The following TMEM132B variants were observed in gnomAD, a reference collection of about 807,000 sequenced individuals.
TMEM132B encodes the protein transmembrane protein 132B.
A neutral mutation model predicts 90.8 loss-of-function variants in TMEM132B; 18 were observed. The ratio of observed to expected loss-of-function variants is 0.20; its 90% CI spans 0.14 to 0.29. The LOEUF (loss-of-function observed/expected upper bound fraction) is 0.29, where lower values mean the gene tolerates loss of function less well. Ranked by LOEUF, TMEM132B falls within the 10% of genes least tolerant of loss-of-function variation. The probability of loss-of-function intolerance (pLI) is 1.00; values close to 1 mark genes in which losing one functional copy is unlikely to be tolerated. For synonymous variants in TMEM132B, 504 were observed against 523.3 expected (o/e 0.96, Z 0.50); for missense variants, 1,096 against 1,326.8 (o/e 0.83, Z 2.70).
rs200372421 is a variant in TMEM132B at position 125,644,228 on chromosome 12, C to T, written c.1590C>T (p.Asp530=). The T allele has an allele frequency of 6.2e-6, 10 of 1,614,074 alleles. No individual in the cohort carries two copies. The highest frequency in any genetic ancestry group is 8.5e-6 in the Non-Finnish European group (10 of 1,180,036). ...TCCCCCTGCAGATTGAGATCTCAGA[C>T]ACCGAGCTGAGCCAGATCAAGGGCT... The part of the protein sequence containing the change: ...PRLPLQIEIS[D]TELSQIKGWR... The change falls in exon 6 of 9, where the codon GAC becomes GAT. Residue 530 remains aspartate, a synonymous_variant. Transcript: ENST00000682704.
intron 3 of TMEM132B, among the ~76,000 whole-genome samples, chr12:125,446,975 TTATCTA>T (rs1339957400): frequency 6.6e-6 from 1 of 152,262 alleles, no homozygotes; most frequent in Non-Finnish European, 1.5e-5. Flanking sequence ...GTGACCCTCT[TTATCTA>T]TATCTGTGCT....
In TMEM132B at chr12:125,322,137, G is replaced by A. The variant is rs149035621; in HGVS notation, c.68-27315G>A. Reference sequence around the variant, plus strand: ...ATAGCTCTCATAATCCCCACGTGTCGTGGGAGGGACCCGGTGAGAGGTAAT... The same window carrying A: ...ATAGCTCTCATAATCCCCACGTGTCATGGGAGGGACCCGGTGAGAGGTAAT... On this transcript the variant is annotated intron_variant, in intron 1 of 8. Coordinates refer to ENST00000682704, the MANE Select transcript of TMEM132B (RefSeq NM_001366854.1). Among the ~76,000 whole-genome samples the A allele has an allele frequency of 3.4e-3, 521 of 152,292 alleles. 4 individuals carry two copies. The highest frequency in any genetic ancestry group is 0.011 in the African/African-American group (475 of 41,552).
rs919773875 is a variant in TMEM132B, at chr12:125,653,934, G to A, written c.2476G>A (p.Glu826Lys). 8 of 1,614,052 alleles carry A rather than the reference G, an allele frequency of 5.0e-6. No individual in the cohort carries two copies. The highest frequency in any genetic ancestry group is 1.7e-5 in the Admixed American group (1 of 60,008). ...KDHLSNSIER[E>K]GNQERAVQEW... ...CCACCTCAGTAATTCCATAGAGCGC[G>A]AAGGAAACCAGGAGAGAGCAGTCCA... Residue 826 changes from glutamate to lysine, a missense_variant, in exon 9 of 9, where the codon GAA becomes AAA. Physicochemically the swap from Glu to Lys is moderately conservative, Grantham distance 56 (BLOSUM62 1). Coordinates refer to ENST00000682704, the MANE Select transcript of TMEM132B (RefSeq NM_001366854.1).
At chr12:125,601,659 A>C (rs953115397) in intron 5 of TMEM132B, among the ~76,000 whole-genome samples, 5 of 152,226 alleles carry the variant, frequency 3.3e-5, no homozygotes, top group Non-Finnish European at 5.9e-5. Flanking sequence ...CCCTTCAAAA[A>C]AATCAATGAA....
intron 2 of TMEM132B, among the ~76,000 whole-genome samples, chr12:125,399,082 C>A (rs375099404): frequency 1.3e-5 from 2 of 152,176 alleles, no homozygotes; most frequent in Non-Finnish European, 2.9e-5. Context: ...AACCTGACTG[C>A]CTGTTTCTTC....
chr12:125,212,160 G>A (rs756302274), intron 1 of TMEM132B, among the ~76,000 whole-genome samples: 7 of 152,042 alleles, frequency 4.6e-5, no homozygotes, highest in African/African-American at 7.2e-5. Flanking sequence ...TTCTGCTTTC[G>A]ATGGCAGGGC....
At chr12:125,602,615 G>T (rs1196445166) in intron 5 of TMEM132B, among the ~76,000 whole-genome samples, 3 of 152,172 alleles carry the variant, frequency 2.0e-5, no homozygotes, top group Non-Finnish European at 4.4e-5. Context: ...TCTGGCCAGG[G>T]CGATCACGCA....
chr12:125,541,801 C>T (rs1005719334), intron 4 of TMEM132B, among the ~76,000 whole-genome samples: 44 of 151,300 alleles, frequency 2.9e-4, no homozygotes, highest in Admixed American at 2.4e-3. Flanking sequence ...TGATGGATCA[C>T]GAGGTCAGGA....
At chr12:125,583,462 C>T (rs1885102054) in intron 4 of TMEM132B, among the ~76,000 whole-genome samples, 1 of 151,934 alleles carries the variant, frequency 6.6e-6, no homozygotes, top group Non-Finnish European at 1.5e-5. Context: ...GTTAATAAGC[C>T]CAGAATATAG....
intron 3 of TMEM132B, among the ~76,000 whole-genome samples, chr12:125,475,032 G>T (rs1003698955): frequency 5.3e-5 from 8 of 152,222 alleles, no homozygotes; most frequent in African/African-American, 1.9e-4. Flanking sequence ...TGTAGACAGA[G>T]TGTGGGAAGA....
intron 2 of TMEM132B, among the ~76,000 whole-genome samples, chr12:125,387,932 T>C (rs192626528): frequency 1.7e-3 from 261 of 152,286 alleles, no homozygotes; most frequent in Non-Finnish European, 3.2e-3. Flanking sequence ...TGTTGTGGAA[T>C]GATCAGAGTC....
At chr12:125,271,539 T>A (rs1874836294) in intron 1 of TMEM132B, among the ~76,000 whole-genome samples, 2 of 151,802 alleles carry the variant, frequency 1.3e-5, no homozygotes. Context: ...TAGAGTGAAA[T>A]GGGATAAGAC....
At chr12:125,546,615 T>C (rs1884100722) in intron 4 of TMEM132B, among the ~76,000 whole-genome samples, 2 of 152,242 alleles carry the variant, frequency 1.3e-5, no homozygotes, top group African/African-American at 4.8e-5. Context: ...TGTTTTTGTG[T>C]GTATCAGTAA....
intron 3 of TMEM132B, among the ~76,000 whole-genome samples, chr12:125,424,740 A>G (rs1218610898): frequency 6.6e-6 from 1 of 152,172 alleles, no homozygotes; most frequent in Non-Finnish European, 1.5e-5. Flanking sequence ...GGCAGATTTT[A>G]TTCAGAGACT....
intron 2 of TMEM132B, among the ~76,000 whole-genome samples, chr12:125,372,526 G>C (rs1566016281): frequency 6.6e-6 from 1 of 152,206 alleles, no homozygotes; most frequent in Admixed American, 6.5e-5. Flanking sequence ...CTGCCCCTGG[G>C]ATTGCAATGT....
chr12:125,512,559 G>A (rs1292553300), intron 3 of TMEM132B, among the ~76,000 whole-genome samples: 2 of 152,140 alleles, frequency 1.3e-5, no homozygotes, highest in African/African-American at 4.8e-5. Context: ...TTAAAGTTCT[G>A]TGTAGCAATT....
chr12:125,621,763 G>A (rs1337925934), intron 5 of TMEM132B, among the ~76,000 whole-genome samples: 1 of 152,138 alleles, frequency 6.6e-6, no homozygotes, highest in Non-Finnish European at 1.5e-5. Context: ...GGAATGGAGA[G>A]CATGATGTTA....
intron 2 of TMEM132B, among the ~76,000 whole-genome samples, chr12:125,378,728 A>C (rs913717028): frequency 6.6e-6 from 1 of 151,940 alleles, no homozygotes; most frequent in African/African-American, 2.4e-5. Flanking sequence ...GAGTCTTTGG[A>C]GGTGAATGTA....
chr12:125,596,893 T>C (rs1442121958), intron 5 of TMEM132B, among the ~76,000 whole-genome samples: 1 of 152,248 alleles, frequency 6.6e-6, no homozygotes, highest in East Asian at 1.9e-4. Flanking sequence ...GAGCCCTAGA[T>C]GGCTATGTGC....
Sources: allele counts gnomAD v4.1 joint callset (sites outside exome capture counted in the v4.1 genomes callset), GRCh38; gene constraint gnomAD v4.1.1; transcripts MANE v1.5; gene names NCBI Gene and HGNC (gene_info 2026-07-23, HGNC 2026-07-21).